LRRC8B: variants seen among roughly 807,000 people sequenced by gnomAD.
The protein encoded by LRRC8B is volume-regulated anion channel subunit LRRC8B.
Under a neutral mutation model 58.8 loss-of-function variants are expected in LRRC8B, and 23 were observed. That is an observed-to-expected ratio of 0.39 (90% confidence interval 0.28 to 0.55). LRRC8B has a LOEUF of 0.55. LRRC8B is among the 20% of genes least tolerant of loss of function. The pLI is 0.62. For missense variants in LRRC8B, 694 were observed against 936.0 expected (o/e 0.74, Z 3.37); for synonymous variants, 359 against 374.1 (o/e 0.96, Z 0.47).
intron 1 of LRRC8B, among the ~76,000 whole-genome samples, chr1:89,552,368 G>A (rs1367988347): frequency 6.6e-6 from 1 of 151,280 alleles, no homozygotes; most frequent in Non-Finnish European, 1.5e-5. Context: ...AGAAATTCAT[G>A]ATCCTACTTA....
At chr1:89,562,059 T>G (rs961456865) in intron 1 of LRRC8B, among the ~76,000 whole-genome samples, 12 of 151,816 alleles carry the variant, frequency 7.9e-5, no homozygotes, top group South Asian at 2.1e-4. Context: ...ATGGATGGAT[T>G]GATCTATTTA....
chr1:89,562,615 C>G, intron 1 of LRRC8B, among the ~76,000 whole-genome samples: 1 of 152,114 alleles, frequency 6.6e-6, no homozygotes, highest in East Asian at 1.9e-4. Context: ...GGAGTACAGG[C>G]AGGCGCCACT....
chr1:89,554,123 G>A (rs2100921133), intron 1 of LRRC8B, among the ~76,000 whole-genome samples: 1 of 152,224 alleles, frequency 6.6e-6, no homozygotes, highest in South Asian at 2.1e-4. Context: ...GACTTAATTA[G>A]CATTTGATCC....
chr1:89,549,597 T>C (rs957321785), intron 1 of LRRC8B, among the ~76,000 whole-genome samples: 4 of 152,194 alleles, frequency 2.6e-5, no homozygotes, highest in African/African-American at 9.6e-5. Context: ...GACAATCAAG[T>C]AGAAGTCATT....
intron 1 of LRRC8B, among the ~76,000 whole-genome samples, chr1:89,547,291 A>G (rs1057330954): frequency 2.6e-5 from 4 of 151,646 alleles, no homozygotes; most frequent in Non-Finnish European, 5.9e-5. Flanking sequence ...GCCACTGGAT[A>G]TTATTATGAT....
At chr1:89,542,928 C>T (rs1651126098) in intron 1 of LRRC8B, among the ~76,000 whole-genome samples, 1 of 152,168 alleles carries the variant, frequency 6.6e-6, no homozygotes, top group Non-Finnish European at 1.5e-5. Flanking sequence ...AGGCAAGCTC[C>T]ACCTGATTTA....
At chr1:89,584,814 A>G (rs1308341897) in intron 5 of LRRC8B, 25 bp downstream of exon 5, 1 of 1,471,172 alleles carries the variant, frequency 6.8e-7, no homozygotes, top group African/African-American at 1.4e-5. Context: ...TCTTTCTTTT[A>G]TTCAGTATCT....
At chr1:89,530,771 A>G (rs529974973) in intron 1 of LRRC8B, among the ~76,000 whole-genome samples, 1 of 152,300 alleles carries the variant, frequency 6.6e-6, no homozygotes, top group Admixed American at 6.5e-5. Context: ...GACAACCCCA[A>G]CGGCCGGTCC....
chr1:89,538,799 C>A (rs1650733960), intron 1 of LRRC8B, among the ~76,000 whole-genome samples: 1 of 152,150 alleles, frequency 6.6e-6, no homozygotes, highest in African/African-American at 2.4e-5. Context: ...CAGCTCACTG[C>A]AACCTCCACC....
chr1:89,562,453 T>G (rs1234830835), intron 1 of LRRC8B, among the ~76,000 whole-genome samples: 4 of 152,274 alleles, frequency 2.6e-5, no homozygotes, highest in African/African-American at 9.6e-5. Flanking sequence ...ATTTCTTAAC[T>G]TCATATATTG....
intron 1 of LRRC8B, among the ~76,000 whole-genome samples, chr1:89,527,548 G>C (rs1052471871): frequency 6.6e-6 from 1 of 152,196 alleles, no homozygotes; most frequent in Non-Finnish European, 1.5e-5. Flanking sequence ...CAGTTATAGT[G>C]TAGAATTTAT....
At chr1:89,533,877 T>C (rs1483833772) in intron 1 of LRRC8B, among the ~76,000 whole-genome samples, 1 of 152,206 alleles carries the variant, frequency 6.6e-6, no homozygotes, top group Non-Finnish European at 1.5e-5. Flanking sequence ...AAAGAATATC[T>C]CCTTGAAGGT....
chr1:89,558,034 TA>T lies in LRRC8B; in HGVS notation c.-240-10204del, dbSNP rs374697938. ...ATAGATAGAAATAAAGCCAGAGACT[TA>T]AAAAAAAATCCCTTGCCATCACAGC... is the stretch of plus-strand genomic sequence containing the variant. On this transcript the variant is annotated intron_variant, in intron 1 of 5. Coordinates refer to ENST00000330947, the MANE Select transcript of LRRC8B (RefSeq NM_001369817.2). Among the ~76,000 whole-genome samples, 17 of 151,590 alleles carry T rather than the reference TA, an allele frequency of 1.1e-4. No homozygotes were observed. The East Asian group carries it at 1.7e-3, about 16-fold the overall frequency.
At chr1:89,544,698 T>A (rs1651270236) in intron 1 of LRRC8B, among the ~76,000 whole-genome samples, 1 of 152,208 alleles carries the variant, frequency 6.6e-6, no homozygotes, top group South Asian at 2.1e-4. Flanking sequence ...TGTAGAACAG[T>A]GCTTTCTTGA....
intron 1 of LRRC8B, among the ~76,000 whole-genome samples, chr1:89,554,563 TTCA>T (rs1240398867): frequency 6.6e-6 from 1 of 152,150 alleles, no homozygotes; most frequent in East Asian, 1.9e-4. Flanking sequence ...CAGCAGAAAC[TTCA>T]TCATGATTGT....
Position 89,596,345 on chromosome 1 carries a change from A to G in LRRC8B, c.*3302A>G, listed in dbSNP as rs949605923. ...CCTGTATGTCACTGTATTTTATGTC[A>G]CTTCACATTGTGTTAAACAGGGTAA... On this transcript the variant is annotated 3_prime_UTR_variant, in exon 6 of 6. Coordinates refer to ENST00000330947, the MANE Select transcript of LRRC8B (RefSeq NM_001369817.2). 1 of 152,036 alleles carries G rather than the reference A, an allele frequency of 6.6e-6. No homozygotes were observed. The allele number at this position is 152,036 out of a possible 1,614,324, so 9.4% of individuals were successfully genotyped here.
At chr1:89,575,663 A>G (rs1653788524) in intron 3 of LRRC8B, among the ~76,000 whole-genome samples, 1 of 151,104 alleles carries the variant, frequency 6.6e-6, no homozygotes, top group Non-Finnish European at 1.5e-5. Context: ...AATACACCCT[A>G]AAAGTTTGAA....
chr1:89,529,027 C>T (rs566164719), intron 1 of LRRC8B, among the ~76,000 whole-genome samples: 2 of 152,226 alleles, frequency 1.3e-5, no homozygotes, highest in South Asian at 4.1e-4. Context: ...GACTCAAATC[C>T]TTAGAAAAAA....
intron 1 of LRRC8B, among the ~76,000 whole-genome samples, chr1:89,553,580 C>T (rs1252747778): frequency 6.6e-6 from 1 of 152,112 alleles, no homozygotes; most frequent in Non-Finnish European, 1.5e-5. Flanking sequence ...TCAGGTATTA[C>T]CTAGTCTAAA....
Sources: allele counts gnomAD v4.1 joint callset (sites outside exome capture counted in the v4.1 genomes callset), GRCh38; gene constraint gnomAD v4.1.1; transcripts MANE v1.5; gene names NCBI Gene and HGNC (gene_info 2026-07-23, HGNC 2026-07-21).